CRACR2A: variants seen among roughly 807,000 people sequenced by gnomAD.
CRACR2A encodes EF-hand calcium-binding domain-containing protein 4B.
In CRACR2A, 79 loss-of-function variants were observed where a neutral mutation model predicts 90.5. The observed-to-expected ratio is 0.87, with a 90% CI of 0.73 to 1.05. The LOEUF (loss-of-function observed/expected upper bound fraction) is 1.05. Among genes scored for constraint, CRACR2A ranks in the 50% least tolerant of loss-of-function variants. CRACR2A has a pLI of 0.00. For missense variants in CRACR2A, 823 were observed against 897.2 expected, an observed-to-expected ratio of 0.92 and a Z score of 1.06; for synonymous variants, 338 against 356.7, an observed-to-expected ratio of 0.95 and a Z score of 0.59.
Position 3,641,796 on chromosome 12 carries a change from T to A in CRACR2A, c.1207A>T (p.Ser403Cys). Residue 403 changes from serine to cysteine, a missense_variant, in exon 13 of 20, where the codon AGT becomes TGT. Coordinates refer to ENST00000440314, the MANE Select transcript of CRACR2A (RefSeq NM_001144958.2). ...ACAGAGCCAGATCTCTTTTTCCAACTTGCCCTGGAAGCAGCTGTGTTTGCC... is the reference window on the plus strand; with the variant it reads ...ACAGAGCCAGATCTCTTTTTCCAACATGCCCTGGAAGCAGCTGTGTTTGCC... The part of the protein sequence containing the change: ...AKANTAASRA[S>C]WKKRSGSVIG... 2 of 1,551,714 alleles carry A rather than the reference T, an allele frequency of 1.3e-6. No homozygotes were observed. The highest frequency in any genetic ancestry group is 1.7e-6 in the Non-Finnish European group (2 of 1,146,980).
intron 15 of CRACR2A, among the ~76,000 whole-genome samples, chr12:3,627,989 C>A (rs898539423): frequency 6.6e-6 from 1 of 151,564 alleles, no homozygotes; most frequent in Non-Finnish European, 1.5e-5. Flanking sequence ...ACAAGCCATA[C>A]ACTCTTTCTT....
intron 7 of CRACR2A, among the ~76,000 whole-genome samples, chr12:3,665,979 C>A (rs1945127332): frequency 6.6e-6 from 1 of 152,132 alleles, no homozygotes; most frequent in Non-Finnish European, 1.5e-5. Context: ...AGAAGCCATG[C>A]ACTATGAGGC....
At chr12:3,653,809 C>T (rs553950545) in intron 10 of CRACR2A, among the ~76,000 whole-genome samples, 2 of 152,334 alleles carry the variant, frequency 1.3e-5, no homozygotes, top group South Asian at 4.1e-4. Flanking sequence ...CTCTACACGA[C>T]CACAGTCACT....
At chr12:3,700,677 C>T (rs1215042628) in intron 3 of CRACR2A, among the ~76,000 whole-genome samples, 1 of 152,208 alleles carries the variant, frequency 6.6e-6, no homozygotes, top group Non-Finnish European at 1.5e-5. Context: ...ATGCTAAACA[C>T]TTATGTGTCT....
intron 15 of CRACR2A, among the ~76,000 whole-genome samples, chr12:3,632,766 G>A (rs1402519659): frequency 2.0e-5 from 3 of 152,220 alleles, no homozygotes; most frequent in African/African-American, 7.2e-5. Flanking sequence ...TGGAAAGGAT[G>A]ACTATAAAAG....
At chr12:3,643,218 T>C (rs1029862648) in intron 12 of CRACR2A, among the ~76,000 whole-genome samples, 1 of 152,208 alleles carries the variant, frequency 6.6e-6, no homozygotes, top group Non-Finnish European at 1.5e-5. Flanking sequence ...TTGCTGCCAG[T>C]CAGCAATGGA....
At chr12:3,657,647 C>T (rs544866259) in intron 8 of CRACR2A, among the ~76,000 whole-genome samples, 2 of 152,346 alleles carry the variant, frequency 1.3e-5, no homozygotes, top group South Asian at 4.1e-4. Context: ...GACCAGACAG[C>T]ACCTGCTCCC....
rs911699217 is a variant in CRACR2A, at chr12:3,746,201, G to A, written c.-387+6814C>T. 6.6e-6 allele frequency among the ~76,000 whole-genome samples: 1 copy of A among 152,096 alleles called. No individual in the cohort carries two copies. The highest frequency in any genetic ancestry group is 1.5e-5 in the Non-Finnish European group (1 of 68,022). ...CATCTCCTGCTATGAGCTAAATTAT[G>A]TCCCCCCGACAATTCATATGTTGAA... On this transcript the variant is annotated intron_variant, in intron 1 of 19. Transcript: ENST00000440314. This position sits in a 1 kb window ranked among gnomAD's most constrained non-coding sequence, Gnocchi z 4.4.
Position 3,638,255 on chromosome 12 carries a change from G to C in CRACR2A, c.1471C>G (p.Leu491Val). ...QLLDGGFEQP[L>V]SKCSEEEEVS... ...TCTTCCTCTTCTGAGCATTTGCTCA[G>C]GGGTTGCTCAAAGCCACCATCCAGG... The change falls in exon 14 of 20, where the codon CTG (leucine) becomes GTG (valine). Residue 491 changes from leucine to valine, a missense_variant. By Grantham distance (32) the Leu-to-Val change is conservative. Transcript: ENST00000440314. The C allele has an allele frequency of 6.4e-7, 1 of 1,551,650 alleles. No individual in the cohort carries two copies. The highest frequency in any genetic ancestry group is 2.0e-5 in the Admixed American group (1 of 51,002).
chr12:3,691,806 T>C (rs551258952), intron 4 of CRACR2A, among the ~76,000 whole-genome samples: 1 of 152,246 alleles, frequency 6.6e-6, no homozygotes, highest in Non-Finnish European at 1.5e-5. Flanking sequence ...TTTGTCTCTT[T>C]ACATAATCCC....
intron 10 of CRACR2A, among the ~76,000 whole-genome samples, chr12:3,653,890 A>AT (rs550642292): frequency 1.3e-5 from 2 of 152,262 alleles, no homozygotes; most frequent in Non-Finnish European, 2.9e-5. Context: ...TACTTGTTTT[A>AT]TATAGTCATA....
chr12:3,685,507 G>A (rs61908565), intron 4 of CRACR2A, among the ~76,000 whole-genome samples: 35,972 of 152,126 alleles, frequency 0.24, 4,410 homozygotes, highest in Admixed American at 0.29. Flanking sequence ...ACAAAGGAAT[G>A]GAGAAACAAA....
intron 2 of CRACR2A, among the ~76,000 whole-genome samples, chr12:3,724,250 G>A (rs1946227528): frequency 2.0e-5 from 3 of 152,132 alleles, no homozygotes; most frequent in Admixed American, 2.0e-4. Context: ...AACAACACCT[G>A]GGAAATGCAC....
intron 7 of CRACR2A, among the ~76,000 whole-genome samples, chr12:3,669,603 A>G (rs1172619022): frequency 6.6e-6 from 1 of 152,148 alleles, no homozygotes; most frequent in African/African-American, 2.4e-5. Flanking sequence ...TCTGATATGC[A>G]GGTTAAAAAA....
At chr12:3,693,270 C>T (rs1945680066) in intron 4 of CRACR2A, among the ~76,000 whole-genome samples, 1 of 152,218 alleles carries the variant, frequency 6.6e-6, no homozygotes, top group Non-Finnish European at 1.5e-5. Flanking sequence ...ACAAGTCTAC[C>T]AGCACAGGAG....
intron 1 of CRACR2A, among the ~76,000 whole-genome samples, chr12:3,742,803 C>T (rs1946548693): frequency 6.6e-6 from 1 of 152,220 alleles, no homozygotes; most frequent in African/African-American, 2.4e-5. Flanking sequence ...CAGTTCCCAC[C>T]TACTTGGCTA....
intron 7 of CRACR2A, among the ~76,000 whole-genome samples, chr12:3,660,862 ACACACACACACACACACACACACAC>A (rs1285193480): frequency 2.1e-4 from 30 of 146,252 alleles, no homozygotes; most frequent in East Asian, 4.8e-4. Context: ...ACACACACAC[ACACACACACACACACACACACACAC>A]AATTTTGGCC....
intron 4 of CRACR2A, among the ~76,000 whole-genome samples, chr12:3,694,408 T>C (rs1447486145): frequency 6.6e-6 from 1 of 152,208 alleles, no homozygotes; most frequent in Non-Finnish European, 1.5e-5. Flanking sequence ...GCTTTCTGAA[T>C]TTGTGTGTAT....
intron 7 of CRACR2A, among the ~76,000 whole-genome samples, chr12:3,668,281 G>T (rs1218471650): frequency 1.1e-4 from 17 of 152,118 alleles, no homozygotes; most frequent in Admixed American, 1.0e-3. Context: ...CCTTTTGCTG[G>T]CTGACTGATT....
Sources: gnomAD v4.1 joint callset for allele counts (sites outside exome capture counted in the v4.1 genomes callset) on GRCh38, gnomAD v4.1.1 for gene constraint, Gnocchi (gnomAD v3.1) non-coding constraint, MANE v1.5 for transcripts, NCBI Gene and HGNC (gene_info 2026-07-23, HGNC 2026-07-21) for gene names.